The following DNAH9 variants were observed in gnomAD, a reference collection of about 807,000 sequenced individuals.
The protein encoded by DNAH9 is DNAH9 variant protein.
In DNAH9, 345 loss-of-function variants were observed where a neutral mutation model predicts 471.6. That is an observed-to-expected ratio of 0.73 (90% CI 0.67 to 0.80). The LOEUF (loss-of-function observed/expected upper bound fraction) is 0.80, where lower values mean the gene tolerates loss of function less well. Among genes scored for constraint, DNAH9 ranks in the 30% least tolerant of loss-of-function variants. DNAH9 has a pLI of 0.00. For synonymous variants in DNAH9, 2,093 were observed against 2,123.6 expected (o/e 0.99, Z 0.40); for missense variants, 5,407 against 5,609.2 (o/e 0.96, Z 1.15).
chr17:11,763,747 C>T, intron 36 of DNAH9, 133 bp downstream of exon 36: 1 of 829,690 alleles, frequency 1.2e-6, no homozygotes, highest in Non-Finnish European at 1.9e-6. Flanking sequence ...ATTTAGTCAT[C>T]TACCTATTAC....
intron 41 of DNAH9, among the ~76,000 whole-genome samples, chr17:11,787,895 G>A (rs1968928043): frequency 6.6e-6 from 1 of 152,110 alleles, no homozygotes; most frequent in South Asian, 2.1e-4. Flanking sequence ...TCCCACCGTG[G>A]TTCTGAGGCC....
chr17:11,763,050 A>T (rs903690678), intron 35 of DNAH9, among the ~76,000 whole-genome samples: 2 of 151,978 alleles, frequency 1.3e-5, no homozygotes, highest in Admixed American at 1.3e-4. Flanking sequence ...AAGTGCTGGG[A>T]TTACCGTTGA....
At chr17:11,746,209 C>T (rs2075521720) in intron 31 of DNAH9, among the ~76,000 whole-genome samples, 1 of 152,130 alleles carries the variant, frequency 6.6e-6, no homozygotes, top group African/African-American at 2.4e-5. Context: ...GTTTAATTAA[C>T]TCACAGTTCT....
In DNAH9 at chr17:11,757,528, A is replaced by G; in HGVS notation, c.6848-17A>G. ...GTATATGGAATATTCACTAAACTGT[A>G]TTCTCTGTGCTCACAGGGATCTTGT... On this transcript the variant is annotated splice_polypyrimidine_tract_variant and intron_variant, in intron 34 of 68. Coordinates refer to ENST00000262442, the MANE Select transcript of DNAH9 (RefSeq NM_001372.4). 5.6e-6 allele frequency: 9 copies of G among 1,606,032 alleles called. No homozygotes were observed. Among genetic ancestry groups the G allele is most frequent in the South Asian group, 1.1e-5 (1 of 90,596 alleles).
At chr17:11,956,659 G>C (rs1236976714) in intron 67 of DNAH9, among the ~76,000 whole-genome samples, 1 of 151,728 alleles carries the variant, frequency 6.6e-6, no homozygotes, top group African/African-American at 2.4e-5. Flanking sequence ...ATCAATAACA[G>C]AAAGATATCA....
chr17:11,846,926 G>A (rs1214729370), intron 49 of DNAH9, among the ~76,000 whole-genome samples: 2 of 146,940 alleles, frequency 1.4e-5, no homozygotes, highest in Non-Finnish European at 3.0e-5. Flanking sequence ...GGGTTTTCTA[G>A]ATATACAATC....
At chr17:11,675,716 G>A (rs2074038270) in intron 17 of DNAH9, among the ~76,000 whole-genome samples, 1 of 152,082 alleles carries the variant, frequency 6.6e-6, no homozygotes. Context: ...CCCTCAAGAT[G>A]TTAAAGTGGT....
chr17:11,876,884 C>T lies in DNAH9; in HGVS notation c.10478+1700C>T, dbSNP rs375173930. Among the ~76,000 whole-genome samples, 34 of 152,086 alleles carry T rather than the reference C, an allele frequency of 2.2e-4. No individual in the cohort carries two copies. The South Asian group carries it at 2.5e-3, about 11-fold the overall frequency. On this transcript the variant is annotated intron_variant, in intron 53 of 68. Transcript: ENST00000262442. ...GACTACAGGCGCCCACCACCACACCCGGCTAACTTTTTTTTGTATTTTTAG... is the reference window on the plus strand; with the variant it reads ...GACTACAGGCGCCCACCACCACACCTGGCTAACTTTTTTTTGTATTTTTAG...
At chr17:11,711,413 GTTC>G (rs756761567) in intron 26 of DNAH9, among the ~76,000 whole-genome samples, 40 of 152,212 alleles carry the variant, frequency 2.6e-4, no homozygotes, top group Non-Finnish European at 4.3e-4. Context: ...TGAGTAATCA[GTTC>G]TTCTTAATGA....
chr17:11,703,644 T>C (rs914646517), intron 24 of DNAH9, among the ~76,000 whole-genome samples: 2 of 152,230 alleles, frequency 1.3e-5, no homozygotes, highest in Non-Finnish European at 2.9e-5. Flanking sequence ...ATGCAAATCA[T>C]ATTAACCACA....
At position 11,626,091 on chromosome 17, in the gene DNAH9, T is replaced by C. The variant is rs1270589890; in HGVS notation, c.1351-3326T>C. 1.3e-5 allele frequency among the ~76,000 whole-genome samples: 2 copies of C among 152,196 alleles called. No individual in the cohort carries two copies. The highest frequency in any genetic ancestry group is 2.9e-5 in the Non-Finnish European group (2 of 68,032). ...GTTGCGTAAACTCAGGGTTTTTTGT[T>C]TGTTTGTTCTGGCCCTAGATCCTAG... On this transcript the variant is annotated intron_variant, in intron 6 of 68. Coordinates refer to ENST00000262442, the MANE Select transcript of DNAH9 (RefSeq NM_001372.4). This position sits in a 1 kb window ranked among gnomAD's most constrained non-coding sequence, Gnocchi z 4.3.
At chr17:11,644,814 T>C in intron 11 of DNAH9, 115 bp downstream of exon 11, 1 of 734,840 alleles carries the variant, frequency 1.4e-6, no homozygotes, top group East Asian at 2.6e-5. Flanking sequence ...CTCTATGTTT[T>C]ATGTTATAAC....
chr17:11,914,272 C>T (rs2151021798), intron 61 of DNAH9, among the ~76,000 whole-genome samples: 1 of 152,212 alleles, frequency 6.6e-6, no homozygotes, highest in Admixed American at 6.5e-5. Flanking sequence ...GAAGTAAATG[C>T]TTCACTTATC....
chr17:11,739,226 G>A (rs1298277932), intron 29 of DNAH9, among the ~76,000 whole-genome samples, 189 bp downstream of exon 29: 2 of 152,196 alleles, frequency 1.3e-5, no homozygotes, highest in Non-Finnish European at 2.9e-5. Flanking sequence ...GTTCTCCTCT[G>A]TATATACATT....
chr17:11,732,545 C>T (rs556266166), intron 28 of DNAH9, among the ~76,000 whole-genome samples: 1 of 151,988 alleles, frequency 6.6e-6, no homozygotes, highest in Non-Finnish European at 1.5e-5. Context: ...GATTATGCTG[C>T]TGGTCCACAG....
intron 6 of DNAH9, among the ~76,000 whole-genome samples, chr17:11,625,374 G>GCAGC (rs1383630052): frequency 1.3e-5 from 2 of 152,080 alleles, no homozygotes; most frequent in Non-Finnish European, 2.9e-5. Context: ...CAGCCACTCT[G>GCAGC]CAGCCTCCTT....
chr17:11,673,174 A>G (rs1461811833), intron 17 of DNAH9, among the ~76,000 whole-genome samples: 2 of 152,158 alleles, frequency 1.3e-5, no homozygotes, highest in African/African-American at 2.4e-5. Flanking sequence ...ACACTTCCCA[A>G]TTCTTTCAGA....
At chr17:11,900,123 T>A (rs1973358602) in intron 59 of DNAH9, among the ~76,000 whole-genome samples, 1 of 151,252 alleles carries the variant, frequency 6.6e-6, no homozygotes, top group South Asian at 2.1e-4. Flanking sequence ...CACAAGGGTT[T>A]TAAAACAGGC....
intron 41 of DNAH9, among the ~76,000 whole-genome samples, chr17:11,788,479 G>C (rs533603221): frequency 2.5e-4 from 38 of 152,270 alleles, no homozygotes; most frequent in African/African-American, 8.9e-4. Context: ...ATATATCCCT[G>C]ATGTTCTCCT....
Sources: gnomAD v4.1 joint callset for allele counts (sites outside exome capture counted in the v4.1 genomes callset) on GRCh38, gnomAD v4.1.1 for gene constraint, Gnocchi (gnomAD v3.1) non-coding constraint, MANE v1.5 for transcripts, NCBI Gene and HGNC (gene_info 2026-07-23, HGNC 2026-07-21) for gene names.